Variants in UBAC1 observed in about 807,000 individuals in gnomAD.
The protein encoded by UBAC1 is ubiquitin-associated domain-containing protein 1.
UBAC1 carries 27 observed loss-of-function variants against 45.9 expected under a neutral mutation model. The ratio of observed to expected loss-of-function variants is 0.59; its 90% CI spans 0.43 to 0.81. The LOEUF (loss-of-function observed/expected upper bound fraction) is 0.81. Among genes scored for constraint, UBAC1 ranks in the 30% least tolerant of loss-of-function variants. UBAC1 has a pLI of 0.00. For synonymous variants in UBAC1, 227 were observed against 215.5 expected (o/e 1.05, Z -0.47); for missense variants, 529 against 539.2 (o/e 0.98, Z 0.19).
intron 3 of UBAC1, among the ~76,000 whole-genome samples, chr9:135,949,613 C>T (rs1839382060): frequency 6.6e-6 from 1 of 152,202 alleles, no homozygotes; most frequent in Non-Finnish European, 1.5e-5. Context: ...CGCTGGAATA[C>T]GAGGCCTCCA....
intron 1 of UBAC1, 105 bp from the exon 2 acceptor site, chr9:135,955,520 A>G: frequency 8.1e-7 from 1 of 1,239,210 alleles, no homozygotes. Context: ...GGGTTTTCTT[A>G]TGAGCTAAGA....
At chr9:135,956,206 A>G (rs977311817) in intron 1 of UBAC1, among the ~76,000 whole-genome samples, 7 of 152,192 alleles carry the variant, frequency 4.6e-5, no homozygotes, top group African/African-American at 1.7e-4. Context: ...CTTGACAGCT[A>G]CTGAGTGCAA....
At chr9:135,940,449 A>C (rs962824175) in intron 7 of UBAC1, among the ~76,000 whole-genome samples, 2 of 151,788 alleles carry the variant, frequency 1.3e-5, no homozygotes, top group Non-Finnish European at 2.9e-5. Flanking sequence ...GCGTGGTGGC[A>C]GGCGCCTGTA....
chr9:135,956,223 G>A (rs975830778), intron 1 of UBAC1, among the ~76,000 whole-genome samples: 1 of 152,220 alleles, frequency 6.6e-6, no homozygotes, highest in Non-Finnish European at 1.5e-5. Flanking sequence ...GCAAACTCCA[G>A]GAGGAAGTTG....
rs141385784 is a variant in UBAC1 at position 135,937,803 on chromosome 9, T to C, written c.1102+419A>G. Among the ~76,000 whole-genome samples, 564 of 152,364 alleles carry C rather than the reference T, an allele frequency of 3.7e-3. 1 individual carries two copies. Among genetic ancestry groups the C allele is most frequent in the Non-Finnish European group, 6.6e-3 (451 of 68,042 alleles). On this transcript the variant is annotated intron_variant, in intron 9 of 9. Transcript: ENST00000371756. ...TCTTCTTTAAAGTTACATCATCATATACACTTTTGTATGTACGTATCTCAC... is the reference window on the plus strand; with the variant it reads ...TCTTCTTTAAAGTTACATCATCATACACACTTTTGTATGTACGTATCTCAC...
At chr9:135,934,934 G>A (rs777661814) in intron 9 of UBAC1, among the ~76,000 whole-genome samples, 1 of 152,118 alleles carries the variant, frequency 6.6e-6, no homozygotes, top group Non-Finnish European at 1.5e-5. Context: ...AGGCTGGAGT[G>A]CAGTGGAGTG....
chr9:135,946,825 A>G (rs1014499012), intron 4 of UBAC1, among the ~76,000 whole-genome samples: 2 of 152,172 alleles, frequency 1.3e-5, no homozygotes, highest in Non-Finnish European at 2.9e-5. Flanking sequence ...GAGCCGTGGG[A>G]TGGACCGGAG....
chr9:135,951,173 G>A (rs1446373246), intron 3 of UBAC1, among the ~76,000 whole-genome samples: 1 of 152,014 alleles, frequency 6.6e-6, no homozygotes, highest in East Asian at 1.9e-4. Flanking sequence ...TCAAATTCCT[G>A]GACTCAAGTG....
At position 135,954,345 on chromosome 9, in the gene UBAC1, T is replaced by G. The variant is rs565958440; in HGVS notation, c.260-592A>C. 1.3e-4 allele frequency among the ~76,000 whole-genome samples: 20 copies of G among 151,978 alleles called. 1 individual carries two copies. The East Asian group carries it at 3.5e-3, about 27-fold the overall frequency. On this transcript the variant is annotated intron_variant, in intron 2 of 9. Coordinates refer to ENST00000371756, the MANE Select transcript of UBAC1 (RefSeq NM_016172.3). ...CCGTAGTCCCAGCTACTTGGGAGAC[T>G]GAGGTGGGAGGACTGCTTGAGCCCA...
chr9:135,961,240 G>C lies in UBAC1; in HGVS notation c.-78C>G, dbSNP rs968074444. On this transcript the variant is annotated 5_prime_UTR_variant, in exon 1 of 10. Transcript: ENST00000371756. The stretch of plus-strand genomic sequence containing the variant: ...CGGGAAGGCGGGCGGGGAGGGGGCG[G>C]GGCCAGACCGCCCGCGCGCTCCTTC... 2 of 1,281,564 alleles carry C rather than the reference G, an allele frequency of 1.6e-6. No individual in the cohort carries two copies. Among genetic ancestry groups the C allele is most frequent in the East Asian group, 3.5e-5 (1 of 28,720 alleles). 79.4% of individuals were successfully genotyped at this position (1,281,564 alleles called of 1,614,324 possible). A position where few individuals can be genotyped will look rare whatever the true frequency, so the allele number is the denominator to read the frequency against.
intron 3 of UBAC1, among the ~76,000 whole-genome samples, chr9:135,949,709 G>A (rs180902530): frequency 2.0e-4 from 31 of 152,320 alleles, no homozygotes; most frequent in African/African-American, 7.2e-4. Context: ...CTGGTCCTGC[G>A]GCAGGCAGAA....
chr9:135,933,331 C>A lies in UBAC1; in HGVS notation c.*69G>T. The A allele has an allele frequency of 6.7e-6, 9 of 1,338,022 alleles. No homozygotes were observed. Among genetic ancestry groups the A allele is most frequent in the Non-Finnish European group, 9.7e-6 (9 of 932,288 alleles). 82.9% of individuals were successfully genotyped at this position (1,338,022 alleles called of 1,614,324 possible). On this transcript the variant is annotated 3_prime_UTR_variant, in exon 10 of 10. Transcript: ENST00000371756. ...CTGAAGGTGAGTTTCCAGGTGAGGT[C>A]CACTCTGCCCGGTCTCGGGCCGCAC...
rs764003661 is a variant in UBAC1 at position 135,945,147 on chromosome 9, T to C, written c.757A>G (p.Thr253Ala). Residue 253 changes from threonine to alanine, a missense_variant, in exon 7 of 10, where the codon ACA becomes GCA. Thr to Ala is a moderately conservative substitution (Grantham distance 58, BLOSUM62 0). Transcript: ENST00000371756. ...GCGGCAGCCTCGGAGGCAGCTGCTGTGGCCCCCTCGGCCTCTGGGGGAGCT... is the reference window on the plus strand; with the variant it reads ...GCGGCAGCCTCGGAGGCAGCTGCTGCGGCCCCCTCGGCCTCTGGGGGAGCT... ...GQAPPEAEGA[T>A]AAASEAAAGA... The C allele has an allele frequency of 6.2e-7, 1 of 1,613,920 alleles. No homozygotes were observed. Among genetic ancestry groups the C allele is most frequent in the South Asian group, 1.1e-5 (1 of 91,022 alleles).
intron 6 of UBAC1, 91 bp from the exon 7 acceptor site, chr9:135,945,341 G>A: frequency 2.6e-6 from 3 of 1,140,680 alleles, no homozygotes; most frequent in Non-Finnish European, 3.6e-6. Flanking sequence ...CTCTGCTATG[G>A]TAGTGACTTC....
chr9:135,948,326 C>T (rs1839363774), intron 3 of UBAC1, among the ~76,000 whole-genome samples: 1 of 152,230 alleles, frequency 6.6e-6, no homozygotes, highest in Non-Finnish European at 1.5e-5. Flanking sequence ...CTCACGAGAA[C>T]AAAAGTGATG....
chr9:135,953,727 C>T lies in UBAC1; in HGVS notation c.286G>A (p.Ala96Thr), dbSNP rs938169996. The T allele has an allele frequency of 1.2e-5, 20 of 1,613,876 alleles. No homozygotes were observed. The highest frequency in any genetic ancestry group is 1.7e-5 in the Non-Finnish European group (20 of 1,179,932). The stretch of plus-strand genomic sequence containing the variant: ...GCCATCTTGGGAAGTGGTGATGGAG[C>T]ACGCTTTTTTATCAATAATAGGACA... ...QDVLLLIKKRAPSPLPKMADV... is the reference protein window; with the variant it reads ...QDVLLLIKKRTPSPLPKMADV... Residue 96 changes from alanine to threonine, a missense_variant, in exon 3 of 10, where the codon GCT becomes ACT. Physicochemically the swap from Ala to Thr is moderately conservative, Grantham distance 58. Transcript: ENST00000371756.
intron 7 of UBAC1, among the ~76,000 whole-genome samples, chr9:135,943,551 T>A (rs903498639): frequency 2.6e-5 from 4 of 152,168 alleles, no homozygotes; most frequent in African/African-American, 9.7e-5. Flanking sequence ...CATGTGGTGA[T>A]TCCTCAAAGA....
intron 7 of UBAC1, among the ~76,000 whole-genome samples, chr9:135,940,161 G>A (rs1360015179): frequency 6.6e-6 from 1 of 152,136 alleles, no homozygotes; most frequent in Non-Finnish European, 1.5e-5. Context: ...ACCCCAGAGG[G>A]CCTTGTTACC....
At chr9:135,947,565 G>T in intron 4 of UBAC1, 1 of 450,252 alleles carries the variant, frequency 2.2e-6, no homozygotes, top group East Asian at 3.5e-5. Context: ...GTTTTCCCAG[G>T]GGTATCTATC....
Sources: gnomAD v4.1 joint callset for allele counts (sites outside exome capture counted in the v4.1 genomes callset) on GRCh38, gnomAD v4.1.1 for gene constraint, MANE v1.5 for transcripts, NCBI Gene and HGNC (gene_info 2026-07-23, HGNC 2026-07-21) for gene names.